PRKAR1B: variants seen among roughly 807,000 people sequenced by gnomAD.
PRKAR1B encodes the protein cAMP-dependent protein kinase type I-beta regulatory subunit.
PRKAR1B carries 22 observed loss-of-function variants against 46.5 expected under a neutral mutation model. That is an observed-to-expected ratio of 0.47 (90% CI 0.34 to 0.68). The LOEUF (loss-of-function observed/expected upper bound fraction) is 0.68. PRKAR1B is among the 30% of genes least tolerant of loss of function. The pLI is 0.01. For missense variants in PRKAR1B, 445 were observed against 535.6 expected (o/e 0.83, Z 1.67); for synonymous variants, 259 against 217.7 (o/e 1.19, Z -1.67).
At chr7:690,049 C>A (rs1375918674) in intron 2 of PRKAR1B, among the ~76,000 whole-genome samples, 2 of 151,610 alleles carry the variant, frequency 1.3e-5, no homozygotes, top group African/African-American at 4.8e-5. Context: ...GTAATCCCAG[C>A]ACTTCGGGAG....
At chr7:716,222 AT>A (rs778689872) in intron 1 of PRKAR1B, among the ~76,000 whole-genome samples, 214 of 122,132 alleles carry the variant, frequency 1.8e-3, no homozygotes, top group East Asian at 4.1e-3. Context: ...ACTTAAAAAC[AT>A]TTTTTTTTTT....
chr7:647,747 CA>C (rs2128488343), intron 4 of PRKAR1B, among the ~76,000 whole-genome samples: 1 of 134,016 alleles, frequency 7.5e-6, no homozygotes, highest in East Asian at 2.2e-4. Flanking sequence ...GCAGAGCCTG[CA>C]GTGAGCCGAG....
At chr7:594,330 A>T (rs1781145859) in intron 7 of PRKAR1B, among the ~76,000 whole-genome samples, 1 of 152,076 alleles carries the variant, frequency 6.6e-6, no homozygotes, top group Non-Finnish European at 1.5e-5. Flanking sequence ...GACCCCGGCA[A>T]CACCCACCTG....
chr7:598,606 A>C (rs1352395139), intron 6 of PRKAR1B, among the ~76,000 whole-genome samples: 1 of 130,484 alleles, frequency 7.7e-6, no homozygotes, highest in Middle Eastern at 4.1e-3. Flanking sequence ...CCTCCACACT[A>C]AACATCATCA....
At position 678,679 on chromosome 7, in the gene PRKAR1B, C is replaced by A. The variant is rs1778480048; in HGVS notation, c.349-1359G>T. The stretch of plus-strand genomic sequence containing the variant: ...CTGTCTGTCCAGGTGCAACTGCGGA[C>A]CACGCAGGCTTAGGTGTGCTGCGTG... On this transcript the variant is annotated intron_variant, in intron 3 of 10. Transcript: ENST00000537384. Among the ~76,000 whole-genome samples, 3 of 152,258 alleles carry A rather than the reference C, an allele frequency of 2.0e-5. No homozygotes were observed. In the South Asian group the frequency reaches 6.2e-4, roughly 31 times the overall value.
chr7:638,054 G>C (rs1784215734), intron 4 of PRKAR1B, among the ~76,000 whole-genome samples: 1 of 152,218 alleles, frequency 6.6e-6, no homozygotes, highest in African/African-American at 2.4e-5. Context: ...ACGCGGGGCA[G>C]GACCCTGTGC....
At chr7:671,045 G>A (rs560911329) in intron 4 of PRKAR1B, among the ~76,000 whole-genome samples, 1 of 152,198 alleles carries the variant, frequency 6.6e-6, no homozygotes, top group African/African-American at 2.4e-5. Context: ...CAGATTTCGC[G>A]TGAGTGGTTC....
chr7:579,154 G>A, intron 9 of PRKAR1B, 102 bp downstream of exon 9: 1 of 1,599,860 alleles, frequency 6.3e-7, no homozygotes. Context: ...GGGCAGCACT[G>A]ACTCCAGAGG....
At chr7:621,501 A>C (rs1348369994) in intron 4 of PRKAR1B, among the ~76,000 whole-genome samples, 1 of 152,202 alleles carries the variant, frequency 6.6e-6, no homozygotes, top group Non-Finnish European at 1.5e-5. Flanking sequence ...GCTCACCCCC[A>C]CTTTGGAAGG....
chr7:668,506 A>G (rs903982663), intron 4 of PRKAR1B, among the ~76,000 whole-genome samples: 3 of 152,206 alleles, frequency 2.0e-5, no homozygotes, highest in Admixed American at 6.5e-5. Flanking sequence ...TGTGTGCAAA[A>G]CAAAAGAGCT....
At chr7:683,897 C>A (rs1030285511) in intron 2 of PRKAR1B, among the ~76,000 whole-genome samples, 1 of 152,270 alleles carries the variant, frequency 6.6e-6, no homozygotes, top group East Asian at 1.9e-4. Context: ...CCAGAGGCCC[C>A]CACTTCTTCT....
chr7:724,996 C>T (rs1312396894), intron 1 of PRKAR1B, among the ~76,000 whole-genome samples: 7 of 152,188 alleles, frequency 4.6e-5, no homozygotes, highest in East Asian at 1.9e-4. Flanking sequence ...GGGCGGATCA[C>T]GAGGTCAGGA....
rs1367742714 is a variant in PRKAR1B at position 599,568 on chromosome 7, G to T, written c.550-3264C>A. On this transcript the variant is annotated intron_variant, in intron 6 of 10. Transcript: ENST00000537384. ...CTCCCAAAGTGCTGGGATTACAGGC[G>T]TGAGCCACCACGCCCAGCTTCTCTT... Among the ~76,000 whole-genome samples, 5 of 152,026 alleles carry T rather than the reference G, an allele frequency of 3.3e-5. 1 individual carries two copies. The highest frequency in any genetic ancestry group is 1.2e-4 in the African/African-American group (5 of 41,392).
At chr7:681,670 C>T (rs1198020864) in intron 2 of PRKAR1B, among the ~76,000 whole-genome samples, 3 of 152,140 alleles carry the variant, frequency 2.0e-5, no homozygotes, top group Admixed American at 2.0e-4. Context: ...TGGGGTTGCT[C>T]CGAAGCCCAC....
At chr7:672,162 T>C (rs561359391) in intron 4 of PRKAR1B, among the ~76,000 whole-genome samples, 1 of 152,148 alleles carries the variant, frequency 6.6e-6, no homozygotes, top group East Asian at 1.9e-4. Context: ...AATTTGTTTT[T>C]TTTTTTAAGA....
At chr7:600,412 A>G (rs1446497621) in intron 6 of PRKAR1B, among the ~76,000 whole-genome samples, 1 of 152,224 alleles carries the variant, frequency 6.6e-6, no homozygotes, top group Non-Finnish European at 1.5e-5. Flanking sequence ...GGATCGCTTG[A>G]GCCCAGGAGT....
At chr7:583,695 CA>C (rs1780423119) in intron 8 of PRKAR1B, among the ~76,000 whole-genome samples, 1 of 123,146 alleles carries the variant, frequency 8.1e-6, no homozygotes, top group Non-Finnish European at 1.8e-5. Context: ...GGTGCACTCA[CA>C]CCCTCACACA....
intron 9 of PRKAR1B, among the ~76,000 whole-genome samples, chr7:557,475 G>C (rs1778518277): frequency 6.6e-6 from 1 of 152,252 alleles, no homozygotes; most frequent in African/African-American, 2.4e-5. Flanking sequence ...GGTGGTGACA[G>C]TCCCCGTCCT....
intron 9 of PRKAR1B, among the ~76,000 whole-genome samples, chr7:567,418 TCAC>T (rs1275737986): frequency 2.1e-5 from 3 of 142,114 alleles, no homozygotes; most frequent in Non-Finnish European, 4.7e-5. Context: ...TCCATCATCA[TCAC>T]CATCATCACC....
Sources: gnomAD v4.1 joint callset for allele counts (sites outside exome capture counted in the v4.1 genomes callset) on GRCh38, gnomAD v4.1.1 for gene constraint, MANE v1.5 for transcripts, NCBI Gene and HGNC (gene_info 2026-07-23, HGNC 2026-07-21) for gene names.